The following LSAMP variants were observed in gnomAD, a reference collection of about 807,000 sequenced individuals.
LSAMP encodes limbic system associated membrane protein.
A neutral mutation model predicts 38.6 loss-of-function variants in LSAMP; 7 were observed. The observed-to-expected ratio is 0.18, with a 90% CI of 0.10 to 0.34. The LOEUF is 0.34. LSAMP is among the 10% of genes least tolerant of loss of function. The pLI is 1.00. For missense variants in LSAMP, 313 were observed against 420.0 expected (o/e 0.75, Z 2.23); for synonymous variants, 154 against 166.8 (o/e 0.92, Z 0.59).
chr3:115,844,252 C>T (rs189521133), intron 4 of LSAMP, among the ~76,000 whole-genome samples: 2 of 151,654 alleles, frequency 1.3e-5, no homozygotes, highest in African/African-American at 4.9e-5. Flanking sequence ...TAATTTAACT[C>T]TTAAATTGCT....
At chr3:116,239,339 G>A (rs73140979) in intron 1 of LSAMP, among the ~76,000 whole-genome samples, 20,217 of 152,024 alleles carry the variant, frequency 0.13, 1,486 homozygotes, top group Admixed American at 0.19. Flanking sequence ...CCTGACTCAC[G>A]AGGCTTTGGA....
At chr3:116,190,141 A>G (rs904568926) in intron 1 of LSAMP, among the ~76,000 whole-genome samples, 4 of 150,032 alleles carry the variant, frequency 2.7e-5, no homozygotes, top group Admixed American at 6.6e-5. Context: ...GCATTAAGAA[A>G]TCTCCACAGC....
At chr3:115,816,303 A>C (rs2107456672) in intron 6 of LSAMP, among the ~76,000 whole-genome samples, 1 of 152,316 alleles carries the variant, frequency 6.6e-6, no homozygotes, top group East Asian at 1.9e-4. Flanking sequence ...CCAAAATTGC[A>C]GCTCTGTCAG....
intron 1 of LSAMP, among the ~76,000 whole-genome samples, chr3:116,339,236 C>T (rs1293268875): frequency 1.3e-5 from 2 of 151,338 alleles, no homozygotes; most frequent in Non-Finnish European, 2.9e-5. Context: ...CTAAGAATCA[C>T]CAGGAACTTG....
intron 6 of LSAMP, among the ~76,000 whole-genome samples, chr3:115,830,908 G>A (rs1429038654): frequency 6.6e-6 from 1 of 152,208 alleles, no homozygotes; most frequent in Non-Finnish European, 1.5e-5. Context: ...CTGATGCCAG[G>A]CCTGCCTGTA....
In LSAMP at chr3:116,349,499, ACACT is replaced by A. The variant is rs780379361; in HGVS notation, c.155+95374_155+95377del. On this transcript the variant is annotated intron_variant, in intron 1 of 6. Transcript: ENST00000490035. Reference sequence around the variant, plus strand: ...CCAAAAAAACTACACACACACACACACACTCTCTCTCTCTCTCTCACACACACAC... The same window carrying A: ...CCAAAAAAACTACACACACACACACACTCTCTCTCTCTCTCACACACACAC... Among the ~76,000 whole-genome samples the A allele has an allele frequency of 8.8e-4, 131 of 149,224 alleles. 1 individual carries two copies. In the Middle Eastern group the frequency reaches 0.017, roughly 20 times the overall value.
intron 2 of LSAMP, among the ~76,000 whole-genome samples, chr3:116,085,840 A>T (rs932531254): frequency 2.6e-5 from 4 of 152,226 alleles, no homozygotes; most frequent in Non-Finnish European, 5.9e-5. Flanking sequence ...ACAGCTGAAA[A>T]AATAAAAAGT....
intron 1 of LSAMP, among the ~76,000 whole-genome samples, chr3:116,297,828 A>T (rs1279356024): frequency 1.3e-5 from 2 of 152,198 alleles, no homozygotes; most frequent in Non-Finnish European, 2.9e-5. Flanking sequence ...CACTTATAGG[A>T]TGAGTGAAAA....
At chr3:116,314,431 A>C (rs567641596) in intron 1 of LSAMP, among the ~76,000 whole-genome samples, 15 of 152,360 alleles carry the variant, frequency 9.8e-5, no homozygotes, top group African/African-American at 3.6e-4. Flanking sequence ...ATGCATAAAC[A>C]GATTAATTAA....
chr3:116,045,461 G>A (rs1373328300), intron 2 of LSAMP, among the ~76,000 whole-genome samples: 1 of 144,460 alleles, frequency 6.9e-6, no homozygotes, highest in Non-Finnish European at 1.5e-5. Context: ...TGGAGAGTCA[G>A]CAAACCTGGG....
chr3:116,054,721 G>A (rs1941457880), intron 2 of LSAMP, among the ~76,000 whole-genome samples: 2 of 152,112 alleles, frequency 1.3e-5, no homozygotes. Context: ...GCAAAAAAAT[G>A]TATTAAATAT....
intron 1 of LSAMP, among the ~76,000 whole-genome samples, chr3:116,215,980 T>C (rs1295302587): frequency 2.0e-5 from 3 of 152,198 alleles, no homozygotes; most frequent in Non-Finnish European, 4.4e-5. Context: ...ATGCAACAGC[T>C]CCTTGAACAG....
At chr3:116,204,342 T>G (rs952190008) in intron 1 of LSAMP, among the ~76,000 whole-genome samples, 14 of 152,240 alleles carry the variant, frequency 9.2e-5, no homozygotes, top group African/African-American at 2.9e-4. Flanking sequence ...TTTCTCCCAT[T>G]TTGTAGGTTG....
At chr3:116,443,161 G>C (rs2049460027) in intron 1 of LSAMP, among the ~76,000 whole-genome samples, 1 of 152,170 alleles carries the variant, frequency 6.6e-6, no homozygotes, top group Non-Finnish European at 1.5e-5. Flanking sequence ...CCATTAAAGG[G>C]TTAATGATGT....
intron 3 of LSAMP, among the ~76,000 whole-genome samples, chr3:115,935,170 G>T (rs374803752): frequency 6.6e-6 from 1 of 152,072 alleles, no homozygotes; most frequent in East Asian, 1.9e-4. Context: ...GGTAACTCAA[G>T]GAATAAAATA....
chr3:115,829,571 C>T (rs17711136), intron 6 of LSAMP, among the ~76,000 whole-genome samples: 1 of 152,080 alleles, frequency 6.6e-6, no homozygotes. Context: ...ATACTTTATA[C>T]CCTTGACCAG....
intron 1 of LSAMP, among the ~76,000 whole-genome samples, chr3:116,392,050 T>C (rs966457131): frequency 6.6e-6 from 1 of 151,910 alleles, no homozygotes; most frequent in African/African-American, 2.4e-5. Context: ...ATCCAGACCA[T>C]GGAAAGAAAT....
At chr3:115,921,358 G>A (rs527534951) in intron 3 of LSAMP, among the ~76,000 whole-genome samples, 16 of 151,936 alleles carry the variant, frequency 1.1e-4, no homozygotes, top group African/African-American at 3.6e-4. Context: ...ATCTTCTAGA[G>A]ATATTTTCTT....
chr3:116,279,994 T>G (rs1399789254), intron 1 of LSAMP, among the ~76,000 whole-genome samples: 2 of 152,190 alleles, frequency 1.3e-5, no homozygotes, highest in Non-Finnish European at 2.9e-5. Flanking sequence ...CCAAATATTA[T>G]GTCTGTAATA....
Sources: gnomAD v4.1 joint callset for allele counts (sites outside exome capture counted in the v4.1 genomes callset) on GRCh38, gnomAD v4.1.1 for gene constraint, MANE v1.5 for transcripts, NCBI Gene and HGNC (gene_info 2026-07-23, HGNC 2026-07-21) for gene names.